The following CCDC178 variants were observed in gnomAD, a reference collection of about 807,000 sequenced individuals.
CCDC178 encodes coiled-coil domain-containing protein 178.
CCDC178 carries 126 observed loss-of-function variants against 117.4 expected under a neutral mutation model. The observed-to-expected ratio is 1.07, with a 90% CI of 0.93 to 1.24. The LOEUF (loss-of-function observed/expected upper bound fraction) is 1.24. CCDC178 is among the 50% of genes most tolerant of loss of function. The pLI is 0.00. For missense variants in CCDC178, 1,030 were observed against 986.9 expected (o/e 1.04, Z -0.59); for synonymous variants, 283 against 313.4 (o/e 0.90, Z 1.02).
At chr18:33,303,045 T>C (rs890471082) in intron 11 of CCDC178, among the ~76,000 whole-genome samples, 2 of 152,204 alleles carry the variant, frequency 1.3e-5, no homozygotes, top group Admixed American at 6.5e-5. Flanking sequence ...TAAATGTTTG[T>C]GATAATAGAT....
chr18:33,440,885 CT>C, upstream of CCDC178: 1 of 153,160 alleles, frequency 6.5e-6, no homozygotes, highest in Non-Finnish European at 1.5e-5. Context: ...CCCGCTCCGC[CT>C]TCTCCCAGTG....
chr18:33,061,270 A>T (rs1167758977), intron 21 of CCDC178, among the ~76,000 whole-genome samples: 1 of 152,094 alleles, frequency 6.6e-6, no homozygotes, highest in Non-Finnish European at 1.5e-5. Flanking sequence ...TTAATATGCA[A>T]ATGTATCAGT....
intron 12 of CCDC178, among the ~76,000 whole-genome samples, chr18:33,274,245 A>G (rs2059920634): frequency 6.6e-6 from 1 of 151,872 alleles, no homozygotes. Context: ...AAAAAAAAGG[A>G]CAGATAATAC....
rs528805719 is a variant in CCDC178, at chr18:33,211,952, C to T, written c.2182G>A (p.Asp728Asn). The T allele has an allele frequency of 3.7e-6, 6 of 1,609,766 alleles. No individual in the cohort carries two copies. The highest frequency in any genetic ancestry group is 2.7e-5 in the African/African-American group (2 of 74,852). ...GCAAGGAGCACTCTAAATCTCTGAT[C>T]TTCCTCAAAGATTCTCTCTTCACAG... The part of the protein sequence containing the change: ...KDCEERIFEE[D>N]QRFRVLLAVR... The change falls in exon 20 of 23, where the codon GAT becomes AAT. Residue 728 changes from aspartate (D) to asparagine (N), a missense_variant. Transcript: ENST00000383096.
At chr18:33,213,970 A>T (rs917250050) in intron 19 of CCDC178, among the ~76,000 whole-genome samples, 1 of 152,084 alleles carries the variant, frequency 6.6e-6, no homozygotes, top group African/African-American at 2.4e-5. Context: ...TTCTCAATAA[A>T]TAATAAGTAG....
At chr18:33,144,392 T>C (rs893379716) in intron 20 of CCDC178, among the ~76,000 whole-genome samples, 11 of 152,120 alleles carry the variant, frequency 7.2e-5, no homozygotes, top group Non-Finnish European at 1.3e-4. Flanking sequence ...TATTGTGACA[T>C]TGAAATGTCA....
intron 8 of CCDC178, among the ~76,000 whole-genome samples, chr18:33,347,347 G>A (rs1599199527): frequency 6.6e-6 from 1 of 152,250 alleles, no homozygotes; most frequent in East Asian, 1.9e-4. Context: ...CTAGATGGGA[G>A]TATTAAATAA....
At chr18:33,266,388 C>T (rs2059814525) in intron 14 of CCDC178, among the ~76,000 whole-genome samples, 1 of 151,696 alleles carries the variant, frequency 6.6e-6, no homozygotes, top group Non-Finnish European at 1.5e-5. Flanking sequence ...TTCAGACATT[C>T]ACTATGGGTC....
chr18:33,383,618 G>A (rs1413047992), intron 5 of CCDC178, among the ~76,000 whole-genome samples: 1 of 152,070 alleles, frequency 6.6e-6, no homozygotes, highest in Non-Finnish European at 1.5e-5. Flanking sequence ...ACCTGCATAA[G>A]AGGGGCCTGA....
intron 20 of CCDC178, among the ~76,000 whole-genome samples, chr18:33,152,658 G>A (rs762275957): frequency 1.2e-4 from 18 of 152,042 alleles, no homozygotes; most frequent in Non-Finnish European, 2.6e-4. Context: ...GCTAGCCAGA[G>A]CACAAGAACC....
At chr18:33,095,343 G>A (rs529283136) in intron 20 of CCDC178, among the ~76,000 whole-genome samples, 1 of 151,980 alleles carries the variant, frequency 6.6e-6, no homozygotes, top group African/African-American at 2.4e-5. Flanking sequence ...ATATTGTCTA[G>A]AGTTTATTAA....
At chr18:33,402,307 A>T (rs575905125) in intron 3 of CCDC178, among the ~76,000 whole-genome samples, 81 of 152,380 alleles carry the variant, frequency 5.3e-4, no homozygotes, top group African/African-American at 1.9e-3. Flanking sequence ...AACTGTGTGA[A>T]CAACTATTCA....
At chr18:33,042,620 T>C (rs572217579) in intron 21 of CCDC178, among the ~76,000 whole-genome samples, 5 of 152,028 alleles carry the variant, frequency 3.3e-5, no homozygotes, top group African/African-American at 1.2e-4. Context: ...GAATATGGAC[T>C]GGGTATTAGG....
intron 21 of CCDC178, among the ~76,000 whole-genome samples, chr18:33,023,114 G>C: frequency 1.3e-5 from 2 of 152,016 alleles, no homozygotes; most frequent in East Asian, 3.9e-4. Flanking sequence ...AGGACGAGTA[G>C]AAAAATCCAC....
rs556284526 is a variant in CCDC178, at chr18:33,225,144, T to C, written c.1657-208A>G. Among the ~76,000 whole-genome samples the C allele has an allele frequency of 8.6e-5, 13 of 150,872 alleles. No individual in the cohort carries two copies. The East Asian group carries it at 2.1e-3, about 25-fold the overall frequency. ...ATATCCAAAAATCTCATGGATGTAA[T>C]ATAATATAATATATATATGCTTTTT... On this transcript the variant is annotated intron_variant, in intron 16 of 22. Transcript: ENST00000383096.
At chr18:33,399,612 A>G (rs990656556) in intron 3 of CCDC178, among the ~76,000 whole-genome samples, 3 of 152,186 alleles carry the variant, frequency 2.0e-5, no homozygotes, top group East Asian at 1.9e-4. Context: ...CCCAAGAAGC[A>G]ACTTCTCATC....
intron 11 of CCDC178, among the ~76,000 whole-genome samples, chr18:33,301,693 A>G (rs1345924402): frequency 6.6e-6 from 1 of 152,188 alleles, no homozygotes; most frequent in Non-Finnish European, 1.5e-5. Context: ...TCAGACTTTT[A>G]TGAGGCCTGT....
At chr18:33,307,018 G>A (rs904372594) in intron 11 of CCDC178, among the ~76,000 whole-genome samples, 5 of 152,150 alleles carry the variant, frequency 3.3e-5, no homozygotes, top group East Asian at 1.9e-4. Flanking sequence ...TGTGGACTGT[G>A]AGTCAGTTAC....
chr18:33,103,358 T>C (rs1370198110), intron 20 of CCDC178, among the ~76,000 whole-genome samples: 2 of 151,658 alleles, frequency 1.3e-5, no homozygotes, highest in Non-Finnish European at 2.9e-5. Context: ...CTGGGAATTA[T>C]GGGAGTACAA....
Sources: allele counts gnomAD v4.1 joint callset (sites outside exome capture counted in the v4.1 genomes callset), GRCh38; gene constraint gnomAD v4.1.1; transcripts MANE v1.5; gene names NCBI Gene and HGNC (gene_info 2026-07-23, HGNC 2026-07-21).